The following ZNF274 variants were observed in gnomAD, a reference collection of about 807,000 sequenced individuals.
The protein encoded by ZNF274 is zinc finger protein 274, also known as neurotrophin receptor-interacting factor homolog.
In ZNF274, 23 loss-of-function variants were observed where a neutral mutation model predicts 42.5. The observed-to-expected ratio is 0.54, with a 90% CI of 0.39 to 0.77. The LOEUF (loss-of-function observed/expected upper bound fraction) is 0.77. Among genes scored for constraint, ZNF274 ranks in the 30% least tolerant of loss-of-function variants. The pLI is 0.00. For synonymous variants in ZNF274, 292 were observed against 305.4 expected, an observed-to-expected ratio of 0.96 and a Z score of 0.46; for missense variants, 679 against 806.5, an observed-to-expected ratio of 0.84 and a Z score of 1.91.
intron 4 of ZNF274, among the ~76,000 whole-genome samples, chr19:58,200,753 G>T (rs562717621): frequency 2.7e-4 from 41 of 152,228 alleles, no homozygotes; most frequent in South Asian, 6.2e-4. Context: ...TTTGGAACCC[G>T]GCTCCTTTGT....
chr19:58,195,082 C>T (rs1305240507), intron 4 of ZNF274, among the ~76,000 whole-genome samples: 1 of 151,438 alleles, frequency 6.6e-6, no homozygotes, highest in Non-Finnish European at 1.5e-5. Context: ...CCTGTAGTCC[C>T]AGCTACTCGG....
chr19:58,201,699 TAG>T (rs1411205130), intron 4 of ZNF274, among the ~76,000 whole-genome samples: 1 of 151,842 alleles, frequency 6.6e-6, no homozygotes, highest in Non-Finnish European at 1.5e-5. Context: ...GTGTTTTTAG[TAG>T]AGACGGGGTT....
rs1003363003 is a variant in ZNF274 at position 58,183,938 on chromosome 19, C to G, written c.-28C>G. On this transcript the variant is annotated 5_prime_UTR_variant, in exon 2 of 8. Transcript: ENST00000617501. ...TTCCTCAGGACTCTGCCCACTTCCA[C>G]CAGAGACACATTGAGAAGGAGGAAA... 4 of 1,586,740 alleles carry G rather than the reference C, an allele frequency of 2.5e-6. No individual in the cohort carries two copies. Among genetic ancestry groups the G allele is most frequent in the South Asian group, 1.2e-5 (1 of 86,918 alleles).
intron 4 of ZNF274, among the ~76,000 whole-genome samples, chr19:58,196,820 T>TTTTGCCCTCTTTAATGTC: frequency 6.6e-6 from 1 of 152,186 alleles, no homozygotes; most frequent in South Asian, 2.1e-4. Flanking sequence ...TCTTTAATGT[T>TTTTGCCCTCTTTAATGTC]TTTGCCCTCT....
At chr19:58,204,385 A>G (rs777109824) in intron 4 of ZNF274, among the ~76,000 whole-genome samples, 2 of 152,000 alleles carry the variant, frequency 1.3e-5, no homozygotes, top group Non-Finnish European at 2.9e-5. Context: ...GAGGCGTTGT[A>G]GGCGTCGACC....
chr19:58,207,125 T>G lies in ZNF274; in HGVS notation c.662T>G (p.Val221Gly). ...CTGCCTGTGAAGCTCCGGACATGGG[T>G]GGAATCGCAGCACCCAGAGAACTGC... ...GALPVKLRTW[V>G]ESQHPENCQE... Residue 221 changes from valine to glycine, a missense_variant, in exon 5 of 8, where the codon GTG becomes GGG. Transcript: ENST00000617501. The surrounding 1 kb of genome is among the most constrained non-coding windows in gnomAD (Gnocchi z 5.6). 1 of 1,613,400 alleles carries G rather than the reference T, an allele frequency of 6.2e-7. No individual in the cohort carries two copies. Among genetic ancestry groups the G allele is most frequent in the Non-Finnish European group, 8.5e-7 (1 of 1,179,794 alleles).
intron 2 of ZNF274, among the ~76,000 whole-genome samples, chr19:58,185,256 T>C (rs2075683907): frequency 6.8e-6 from 1 of 147,758 alleles, no homozygotes; most frequent in Non-Finnish European, 1.5e-5. Context: ...AAACCCCATC[T>C]CTACTAAAAA....
intron 4 of ZNF274, among the ~76,000 whole-genome samples, chr19:58,200,380 A>G (rs1600146348): frequency 6.6e-6 from 1 of 152,354 alleles, no homozygotes; most frequent in East Asian, 1.9e-4. Context: ...ACTGCTCTAG[A>G]TAGGGTGATA....
chr19:58,213,278 C>T lies in ZNF274; in HGVS notation c.*135C>T, dbSNP rs2076065869. ...GGACATTCCCAAAACCAAAGGACAA[C>T]TGAGGAGACTGCCCAGCACATAATG... On this transcript the variant is annotated 3_prime_UTR_variant, in exon 8 of 8. Coordinates refer to ENST00000617501, the MANE Select transcript of ZNF274 (RefSeq NM_133502.3). The T allele has an allele frequency of 1.0e-5, 11 of 1,100,196 alleles. No individual in the cohort carries two copies. The South Asian group carries it at 2.0e-4, about 20-fold the overall frequency. The allele number at this position is 1,100,196 out of a possible 1,614,324, so 68.2% of individuals were successfully genotyped here. A position where few individuals can be genotyped will look rare whatever the true frequency, so the allele number is the denominator to read the frequency against.
At chr19:58,201,314 A>G (rs568187084) in intron 4 of ZNF274, among the ~76,000 whole-genome samples, 255 of 148,948 alleles carry the variant, frequency 1.7e-3, no homozygotes, top group Non-Finnish European at 2.8e-3. Flanking sequence ...GCCCGGCCAC[A>G]CTTTTTTAAA....
In ZNF274 at chr19:58,212,138, C is replaced by T. The variant is rs1165681869; in HGVS notation, c.980-23C>T. On this transcript the variant is annotated intron_variant, in intron 7 of 7. Coordinates refer to ENST00000617501, the MANE Select transcript of ZNF274 (RefSeq NM_133502.3). The surrounding 1 kb of genome is among the most constrained non-coding windows in gnomAD (Gnocchi z 4.6). ...CCAGCACATCTCTCTATGGGATCCA[C>T]ATCTTTTGTTTATTTTTTTCAGGGT... 2 of 1,581,472 alleles carry T rather than the reference C, an allele frequency of 1.3e-6. No individual in the cohort carries two copies. Among genetic ancestry groups the T allele is most frequent in the East Asian group, 2.2e-5 (1 of 44,700 alleles).
rs1460136660 is a variant in ZNF274 at position 58,183,270 on chromosome 19, C to T, written c.-218C>T. ...CCGCCGAGGGACATCGACGAGTATC[C>T]TCCTCCTGCTGTCCCCGGCTTCGCC... is the stretch of plus-strand genomic sequence containing the variant. On this transcript the variant is annotated 5_prime_UTR_variant, in exon 1 of 8. Transcript: ENST00000617501. 1 of 152,386 alleles carries T rather than the reference C, an allele frequency of 6.6e-6. No individual in the cohort carries two copies. The highest frequency in any genetic ancestry group is 2.4e-5 in the African/African-American group (1 of 41,484). The allele number at this position is 152,386 out of a possible 1,614,324, so 9.4% of individuals were successfully genotyped here. A position where few individuals can be genotyped will look rare whatever the true frequency, so the allele number is the denominator to read the frequency against.
intron 4 of ZNF274, among the ~76,000 whole-genome samples, chr19:58,202,780 G>A (rs1007130130): frequency 5.9e-5 from 9 of 152,206 alleles, no homozygotes; most frequent in Admixed American, 2.0e-4. Context: ...GATAGTCTAT[G>A]GGTTGACATT....
intron 5 of ZNF274, 71 bp from the exon 6 acceptor site, chr19:58,209,890 G>A (rs980783205): frequency 9.1e-7 from 1 of 1,098,440 alleles, no homozygotes; most frequent in Non-Finnish European, 1.3e-6. Context: ...ATGGGTTGCA[G>A]AGAGGCCACC....
chr19:58,193,160 T>C (rs1179995149), intron 4 of ZNF274, among the ~76,000 whole-genome samples: 1 of 152,004 alleles, frequency 6.6e-6, no homozygotes, highest in Non-Finnish European at 1.5e-5. Context: ...TCTTTTTTTT[T>C]TTTTGAGACA....
At position 58,211,719 on chromosome 19, in the gene ZNF274, G is replaced by A; in HGVS notation, c.979+33G>A. On this transcript the variant is annotated intron_variant, in intron 7 of 7. Transcript: ENST00000617501. This position sits in a 1 kb window ranked among gnomAD's most constrained non-coding sequence, Gnocchi z 4.8. ...TGTGCCCCCTCTTCACCCACCTCAG[G>A]GCTGGTAGGCCACAGGAGCCCCAAG... The A allele has an allele frequency of 6.3e-7, 1 of 1,588,974 alleles. No individual in the cohort carries two copies. Among genetic ancestry groups the A allele is most frequent in the Non-Finnish European group, 8.6e-7 (1 of 1,165,012 alleles).
At chr19:58,193,258 T>C (rs2075799169) in intron 4 of ZNF274, among the ~76,000 whole-genome samples, 1 of 151,774 alleles carries the variant, frequency 6.6e-6, no homozygotes, top group Non-Finnish European at 1.5e-5. Context: ...GCCATTCTCC[T>C]GCCTCAGCCT....
chr19:58,210,000 G>T lies in ZNF274; in HGVS notation c.779G>T (p.Cys260Phe). 3.1e-6 allele frequency: 5 copies of T among 1,613,670 alleles called. No individual in the cohort carries two copies. Among genetic ancestry groups the T allele is most frequent in the Non-Finnish European group, 4.2e-6 (5 of 1,179,782 alleles). ...CAACCTGCCGAGGGCACCACCTGCT[G>T]CCTCGAGGTCACTGCCCAGCAGGAG... Reference protein sequence around the residue: ...AGQPAEGTTCCLEVTAQQEEK... With the variant: ...AGQPAEGTTCFLEVTAQQEEK... The change falls in exon 6 of 8, where the codon TGC becomes TTC. Residue 260 changes from cysteine (C) to phenylalanine (F), a missense_variant. Coordinates refer to ENST00000617501, the MANE Select transcript of ZNF274 (RefSeq NM_133502.3).
At chr19:58,194,863 C>T (rs1413671389) in intron 4 of ZNF274, among the ~76,000 whole-genome samples, 3 of 151,828 alleles carry the variant, frequency 2.0e-5, no homozygotes, top group Admixed American at 6.6e-5. Flanking sequence ...TAGCCGGGCA[C>T]GGTGGCGGGC....
Sources: allele counts gnomAD v4.1 joint callset (sites outside exome capture counted in the v4.1 genomes callset), GRCh38; gene constraint gnomAD v4.1.1; non-coding constraint Gnocchi (gnomAD v3.1); transcripts MANE v1.5; gene names NCBI Gene and HGNC (gene_info 2026-07-23, HGNC 2026-07-21).